The following PDE4B variants were observed in gnomAD, a reference collection of about 807,000 sequenced individuals.
The protein encoded by PDE4B is 3',5'-cyclic-AMP phosphodiesterase 4B.
PDE4B carries 20 observed loss-of-function variants against 82.2 expected under a neutral mutation model. That is an observed-to-expected ratio of 0.24 (90% confidence interval 0.17 to 0.35). The LOEUF is 0.35. Ranked by LOEUF, PDE4B falls within the 10% of genes least tolerant of loss-of-function variation. The pLI, the probability that PDE4B is intolerant of heterozygous loss-of-function variation, is 1.00. For synonymous variants in PDE4B, 320 were observed against 318.9 expected (o/e 1.00, Z -0.04); for missense variants, 655 against 907.2 (o/e 0.72, Z 3.57).
At chr1:66,213,184 G>A (rs562164133) in intron 3 of PDE4B, among the ~76,000 whole-genome samples, 1 of 152,132 alleles carries the variant, frequency 6.6e-6, no homozygotes, top group Non-Finnish European at 1.5e-5. Flanking sequence ...GGAATCTCCT[G>A]GAGATGATAT....
Position 65,833,374 on chromosome 1 carries a change from C to A in PDE4B, c.-71+40126C>A, listed in dbSNP as rs141301898. Among the ~76,000 whole-genome samples the A allele has an allele frequency of 2.0e-5, 3 of 152,324 alleles. No individual in the cohort carries two copies. The East Asian group carries it at 5.8e-4, about 29-fold the overall frequency. On this transcript the variant is annotated intron_variant, in intron 1 of 16. Coordinates refer to ENST00000341517, the MANE Select transcript of PDE4B (RefSeq NM_002600.4). ...CTCCCCTCACCAGACTTTAAGGCGT[C>A]TGAGGTCCTTGTGCCCAATTTGTAG...
chr1:66,306,873 G>T (rs892794620), intron 7 of PDE4B, among the ~76,000 whole-genome samples: 1 of 152,152 alleles, frequency 6.6e-6, no homozygotes, highest in Non-Finnish European at 1.5e-5. Flanking sequence ...TAGAATAATT[G>T]TGTGGTGCTG....
chr1:66,293,401 GGC>G (rs1371395058), intron 7 of PDE4B, among the ~76,000 whole-genome samples: 16 of 151,292 alleles, frequency 1.1e-4, no homozygotes, highest in South Asian at 2.1e-4. Flanking sequence ...CACTTTTTTT[GGC>G]TCATTCCTTT....
At chr1:66,281,074 GCTCA>G (rs1284243361) in intron 7 of PDE4B, among the ~76,000 whole-genome samples, 1 of 152,162 alleles carries the variant, frequency 6.6e-6, no homozygotes, top group Non-Finnish European at 1.5e-5. Context: ...GCAGTTTCCT[GCTCA>G]CTCTTATTTA....
intron 7 of PDE4B, among the ~76,000 whole-genome samples, chr1:66,299,339 C>G (rs1557686640): frequency 6.6e-6 from 1 of 152,070 alleles, no homozygotes; most frequent in Non-Finnish European, 1.5e-5. Flanking sequence ...CTTTCTGTAC[C>G]TGACTTATTT....
intron 3 of PDE4B, among the ~76,000 whole-genome samples, chr1:66,131,608 T>TATATATATATATAC (rs1645948988): frequency 2.0e-5 from 2 of 101,428 alleles, no homozygotes; most frequent in Non-Finnish European, 4.2e-5. Flanking sequence ...TATATATATA[T>TATATATATATATAC]ATATATATAT....
intron 3 of PDE4B, among the ~76,000 whole-genome samples, chr1:65,931,653 C>G (rs1470252095): frequency 1.3e-5 from 2 of 152,192 alleles, no homozygotes; most frequent in African/African-American, 2.4e-5. Context: ...CAGACAAATT[C>G]TCTTACTGAG....
At chr1:66,277,671 G>A (rs905667501) in intron 7 of PDE4B, among the ~76,000 whole-genome samples, 1 of 152,214 alleles carries the variant, frequency 6.6e-6, no homozygotes, top group Non-Finnish European at 1.5e-5. Context: ...TGGGATTACA[G>A]GCATGAGCCA....
At chr1:66,081,643 GA>G in intron 3 of PDE4B, among the ~76,000 whole-genome samples, 1 of 152,088 alleles carries the variant, frequency 6.6e-6, no homozygotes, top group African/African-American at 2.4e-5. Flanking sequence ...GTTTTATCAG[GA>G]ACCCTGGTAG....
intron 3 of PDE4B, among the ~76,000 whole-genome samples, chr1:66,038,938 G>A (rs964197277): frequency 6.6e-5 from 10 of 151,996 alleles, no homozygotes; most frequent in African/African-American, 2.4e-4. Context: ...AAATGCAGTT[G>A]TGTGTATCTC....
At chr1:66,068,467 C>G (rs1318892864) in intron 3 of PDE4B, among the ~76,000 whole-genome samples, 1 of 151,832 alleles carries the variant, frequency 6.6e-6, no homozygotes, top group African/African-American at 2.4e-5. Flanking sequence ...GAACCCCTAC[C>G]CATTTAAAAA....
At chr1:65,896,462 A>G (rs926763866) in intron 1 of PDE4B, among the ~76,000 whole-genome samples, 11 of 152,326 alleles carry the variant, frequency 7.2e-5, no homozygotes, top group African/African-American at 2.6e-4. Context: ...GGGTGAGGAC[A>G]TGGCCAAACC....
intron 1 of PDE4B, among the ~76,000 whole-genome samples, chr1:65,826,516 C>G (rs995674992): frequency 7.9e-5 from 12 of 152,144 alleles, no homozygotes; most frequent in African/African-American, 2.6e-4. Context: ...AGAATGAATC[C>G]TAAGAAAACT....
intron 3 of PDE4B, among the ~76,000 whole-genome samples, chr1:66,057,771 C>T (rs968612406): frequency 1.3e-5 from 2 of 152,152 alleles, no homozygotes; most frequent in African/African-American, 4.8e-5. Context: ...TCAGTTATTT[C>T]CCACCGGGTC....
intron 3 of PDE4B, among the ~76,000 whole-genome samples, chr1:66,100,086 C>T (rs1310274721): frequency 6.6e-6 from 1 of 152,052 alleles, no homozygotes; most frequent in Admixed American, 6.6e-5. Flanking sequence ...CAGAGTCTTG[C>T]TCTGTTGCCC....
intron 8 of PDE4B, among the ~76,000 whole-genome samples, chr1:66,351,827 C>G (rs1401078177): frequency 1.3e-5 from 2 of 152,220 alleles, no homozygotes; most frequent in Non-Finnish European, 2.9e-5. Context: ...GAAAGCCCAA[C>G]TAAGCCTAGC....
chr1:66,119,443 C>T lies in PDE4B; in HGVS notation c.282-128017C>T, dbSNP rs188940832. 2.1e-4 allele frequency among the ~76,000 whole-genome samples: 32 copies of T among 152,226 alleles called. 1 individual carries two copies. Among genetic ancestry groups the T allele is most frequent in the African/African-American group, 7.5e-4 (31 of 41,554 alleles). ...CTGGCAACATGTATGGGTAATGGAG[C>T]GTATCTTCAGACTGTAGAGAGAAAA... On this transcript the variant is annotated intron_variant, in intron 3 of 16. Transcript: ENST00000341517.
intron 1 of PDE4B, among the ~76,000 whole-genome samples, chr1:65,912,775 G>A (rs572436010): frequency 1.8e-4 from 27 of 151,960 alleles, no homozygotes; most frequent in South Asian, 1.5e-3. Context: ...ACAGTATAAA[G>A]CAGTCATATT....
At chr1:66,271,031 G>A (rs1273911054) in intron 7 of PDE4B, among the ~76,000 whole-genome samples, 1 of 152,172 alleles carries the variant, frequency 6.6e-6, no homozygotes, top group East Asian at 1.9e-4. Context: ...GTCTAAAATA[G>A]CCCTCTTATG....
Sources: gnomAD v4.1 joint callset for allele counts (sites outside exome capture counted in the v4.1 genomes callset) on GRCh38, gnomAD v4.1.1 for gene constraint, MANE v1.5 for transcripts, NCBI Gene and HGNC (gene_info 2026-07-23, HGNC 2026-07-21) for gene names.